Variants in CNBD1 observed in about 807,000 individuals in gnomAD.
The protein encoded by CNBD1 is cyclic nucleotide binding domain containing 1.
In CNBD1, 71 loss-of-function variants were observed where a neutral mutation model predicts 54.4. The ratio of observed to expected loss-of-function variants is 1.30; its 90% CI spans 1.08 to 1.59. CNBD1 has a LOEUF of 1.59. Ranked by LOEUF, CNBD1 falls within the 40% of genes most tolerant of loss-of-function variation. The pLI is 0.00. For synonymous variants in CNBD1, 182 were observed against 170.7 expected (o/e 1.07, Z -0.51); for missense variants, 659 against 518.0 (o/e 1.27, Z -2.64).
intron 4 of CNBD1, among the ~76,000 whole-genome samples, chr8:87,073,931 C>T (rs1301858469): frequency 6.6e-6 from 1 of 151,976 alleles, no homozygotes; most frequent in Non-Finnish European, 1.5e-5. Context: ...GAAACCCCGT[C>T]TCTACTAAAA....
downstream of CNBD1, among the ~76,000 whole-genome samples, chr8:87,383,404 T>A (rs574768645): frequency 3.9e-5 from 6 of 152,192 alleles, no homozygotes; most frequent in South Asian, 4.1e-4. Flanking sequence ...TCTGACACAA[T>A]ATTAGGTGCT....
At chr8:87,118,610 G>A (rs1811826333) in intron 4 of CNBD1, among the ~76,000 whole-genome samples, 1 of 152,108 alleles carries the variant, frequency 6.6e-6, no homozygotes, top group Non-Finnish European at 1.5e-5. Flanking sequence ...AACAGGACAT[G>A]GGATCATAGA....
intron 8 of CNBD1, among the ~76,000 whole-genome samples, chr8:87,337,675 C>T (rs987924939): frequency 6.6e-6 from 1 of 152,216 alleles, no homozygotes; most frequent in African/African-American, 2.4e-5. Context: ...CCAGGCTGGG[C>T]AGCACACTCA....
intron 8 of CNBD1, among the ~76,000 whole-genome samples, chr8:87,312,083 C>A (rs1258724885): frequency 6.6e-6 from 1 of 151,940 alleles, no homozygotes; most frequent in Non-Finnish European, 1.5e-5. Flanking sequence ...GCATATATAC[C>A]CCTGAATCTA....
intron 2 of CNBD1, among the ~76,000 whole-genome samples, chr8:87,427,231 C>G (rs1808066269): frequency 1.3e-5 from 2 of 151,944 alleles, no homozygotes; most frequent in Non-Finnish European, 2.9e-5. Context: ...AAACATACAT[C>G]TTTTGTATGT....
chr8:87,262,399 A>G (rs1240484763), intron 6 of CNBD1, among the ~76,000 whole-genome samples: 1 of 152,122 alleles, frequency 6.6e-6, no homozygotes, highest in Admixed American at 6.6e-5. Context: ...TAGCTGGTGA[A>G]TTGTTTTTTC....
downstream of CNBD1, among the ~76,000 whole-genome samples, chr8:87,387,202 G>A (rs776817011): frequency 5.9e-5 from 9 of 152,096 alleles, no homozygotes; most frequent in Non-Finnish European, 1.2e-4. Flanking sequence ...ATCAACTAAT[G>A]AGCAAAATAA....
At position 86,895,533 on chromosome 8, in the gene CNBD1, G is replaced by A. The variant is rs552223038; in HGVS notation, c.158+7922G>A. On this transcript the variant is annotated intron_variant, in intron 2 of 10. Transcript: ENST00000518476. ...TAGCTTTATAAGAAACTAGCAAACCGTTCCAACGTGGCTGTACCATTTTGT... is the reference window on the plus strand; with the variant it reads ...TAGCTTTATAAGAAACTAGCAAACCATTCCAACGTGGCTGTACCATTTTGT... 2.4e-4 allele frequency among the ~76,000 whole-genome samples: 36 copies of A among 152,254 alleles called. No individual in the cohort carries two copies. The South Asian group carries it at 3.5e-3, about 15-fold the overall frequency.
At chr8:87,304,161 A>G (rs1217042754) in intron 8 of CNBD1, among the ~76,000 whole-genome samples, 1 of 151,920 alleles carries the variant, frequency 6.6e-6, no homozygotes, top group Non-Finnish European at 1.5e-5. Context: ...ACTATAAATC[A>G]TGCTGCTATA....
At chr8:86,963,632 G>A (rs1807993933) in intron 4 of CNBD1, among the ~76,000 whole-genome samples, 1 of 152,138 alleles carries the variant, frequency 6.6e-6, no homozygotes, top group Admixed American at 6.5e-5. Flanking sequence ...TGGGGACCTG[G>A]CCTACGAAGG....
chr8:87,410,786 G>A (rs879736512), intron 2 of CNBD1, among the ~76,000 whole-genome samples: 4 of 152,014 alleles, frequency 2.6e-5, no homozygotes, highest in Non-Finnish European at 5.9e-5. Flanking sequence ...TTGTTGCATT[G>A]TTGTCGTATT....
At chr8:86,919,627 T>G (rs1809240389) in intron 3 of CNBD1, among the ~76,000 whole-genome samples, 1 of 152,202 alleles carries the variant, frequency 6.6e-6, no homozygotes, top group Non-Finnish European at 1.5e-5. Flanking sequence ...AGTTGTGGTT[T>G]GTTGATTAGG....
chr8:87,112,182 A>T (rs1196416090), intron 4 of CNBD1, among the ~76,000 whole-genome samples: 1 of 152,068 alleles, frequency 6.6e-6, no homozygotes, highest in Non-Finnish European at 1.5e-5. Flanking sequence ...AATCTCTCCC[A>T]TATTTAATGT....
At chr8:87,286,214 G>C (rs999233830) in intron 7 of CNBD1, among the ~76,000 whole-genome samples, 1 of 152,096 alleles carries the variant, frequency 6.6e-6, no homozygotes, top group African/African-American at 2.4e-5. Flanking sequence ...CCAAATATCA[G>C]TACCAGTTAC....
chr8:86,911,999 C>T (rs1178412810), intron 3 of CNBD1, among the ~76,000 whole-genome samples: 1 of 151,882 alleles, frequency 6.6e-6, no homozygotes, highest in East Asian at 1.9e-4. Flanking sequence ...ATATTCCATG[C>T]CCCGGACTGC....
At chr8:87,011,272 G>C (rs1195903341) in intron 4 of CNBD1, among the ~76,000 whole-genome samples, 1 of 150,562 alleles carries the variant, frequency 6.6e-6, no homozygotes, top group Non-Finnish European at 1.5e-5. Flanking sequence ...TATCCTCTTA[G>C]GTTTATTTTC....
rs376062473 is a variant in CNBD1, at chr8:87,354,454, G to A, written c.1303+668G>A. Among the ~76,000 whole-genome samples the A allele has an allele frequency of 4.2e-4, 64 of 151,610 alleles. 1 individual carries two copies. In the East Asian group the frequency reaches 0.012, roughly 27 times the overall value. The stretch of plus-strand genomic sequence containing the variant: ...AAGTTTTAGGGTACATGTGCACAAC[G>A]TGCAGGTTTGTTACATATGTATACA... On this transcript the variant is annotated intron_variant, in intron 10 of 10. Transcript: ENST00000518476.
chr8:87,287,826 A>G (rs1267624838), intron 8 of CNBD1, among the ~76,000 whole-genome samples: 1 of 151,960 alleles, frequency 6.6e-6, no homozygotes, highest in African/African-American at 2.4e-5. Context: ...TTTCTTCCAA[A>G]TTTCCTTCTA....
chr8:87,177,351 T>G (rs1289007043), intron 4 of CNBD1, among the ~76,000 whole-genome samples: 4 of 152,184 alleles, frequency 2.6e-5, no homozygotes, highest in Non-Finnish European at 5.9e-5. Flanking sequence ...CCAAGGAATC[T>G]CACAGTGTTG....
Sources: allele counts gnomAD v4.1 joint callset (sites outside exome capture counted in the v4.1 genomes callset), GRCh38; gene constraint gnomAD v4.1.1; transcripts MANE v1.5; gene names NCBI Gene and HGNC (gene_info 2026-07-23, HGNC 2026-07-21).